Variants in DUSP16 observed in about 807,000 individuals in gnomAD.
DUSP16 encodes dual specificity phosphatase 16.
A neutral mutation model predicts 58.3 loss-of-function variants in DUSP16; 21 were observed. The observed-to-expected ratio is 0.36, with a 90% CI of 0.26 to 0.52. DUSP16 has a LOEUF of 0.52. Ranked by LOEUF, DUSP16 falls within the 20% of genes least tolerant of loss-of-function variation. The probability of loss-of-function intolerance (pLI) is 0.94; values close to 1 mark genes in which losing one functional copy is unlikely to be tolerated. For missense variants in DUSP16, 726 were observed against 819.0 expected, an observed-to-expected ratio of 0.89 and a Z score of 1.39; for synonymous variants, 320 against 323.8, an observed-to-expected ratio of 0.99 and a Z score of 0.12.
intron 1 of DUSP16, among the ~76,000 whole-genome samples, chr12:12,554,958 C>T (rs184953482): frequency 8.5e-5 from 13 of 152,294 alleles, no homozygotes; most frequent in Admixed American, 3.9e-4. Flanking sequence ...GTACAGTTTA[C>T]AAAACAAGTC....
rs1943539239 is a variant in DUSP16, at chr12:12,480,288, G to A, written c.750C>T (p.Arg250=). ...TGTAGGCGATAGCGATGGTGGCGGA[G>A]CGGGAGATCCCAGCTAAACAGTGCA... ...VLVHCLAGIS[R]SATIAIAYIM... The change falls in exon 6 of 7, where the codon CGC becomes CGT. Residue 250 remains arginine, a synonymous_variant. Coordinates refer to ENST00000298573, the MANE Select transcript of DUSP16 (RefSeq NM_030640.3). 6.2e-7 allele frequency: 1 copy of A among 1,614,074 alleles called. No individual in the cohort carries two copies. Among genetic ancestry groups the A allele is most frequent in the Admixed American group, 1.7e-5 (1 of 59,996 alleles).
At chr12:12,514,755 A>G (rs1428198746) in intron 3 of DUSP16, among the ~76,000 whole-genome samples, 4 of 152,140 alleles carry the variant, frequency 2.6e-5, no homozygotes, top group Admixed American at 6.5e-5. Context: ...TGCAACCTCA[A>G]AACTCCTGGG....
At chr12:12,500,399 C>G in intron 4 of DUSP16, 120 bp downstream of exon 4, 3 of 1,217,602 alleles carry the variant, frequency 2.5e-6, no homozygotes, top group South Asian at 1.7e-5. Context: ...GGGGAGCACA[C>G]TGAGAATGGC....
chr12:12,480,103 C>T (rs999808215), intron 6 of DUSP16, 120 bp downstream of exon 6: 7 of 1,330,230 alleles, frequency 5.3e-6, no homozygotes, highest in Middle Eastern at 3.8e-4. Flanking sequence ...CCACAGTAAC[C>T]TGTAAAAAAT....
chr12:12,547,689 T>C (rs981256815), intron 1 of DUSP16, among the ~76,000 whole-genome samples: 2 of 152,072 alleles, frequency 1.3e-5, no homozygotes, highest in African/African-American at 4.8e-5. Context: ...GGTGATACCA[T>C]GCTATAAGCA....
intron 1 of DUSP16, among the ~76,000 whole-genome samples, chr12:12,554,196 CAAAAAAAAAAA>C (rs59499569): frequency 7.7e-4 from 51 of 66,162 alleles, no homozygotes; most frequent in South Asian, 1.5e-3. Context: ...AACTGGGTCT[CAAAAAAAAAAA>C]AAAAAAAAAA....
At chr12:12,560,694 T>C (rs972959890) in intron 1 of DUSP16, 1 of 152,232 alleles carries the variant, frequency 6.6e-6, no homozygotes, top group Non-Finnish European at 1.5e-5. Context: ...ATATATGTGA[T>C]ACTCAAGGAA....
chr12:12,489,827 T>C (rs1346561647), intron 4 of DUSP16, among the ~76,000 whole-genome samples: 2 of 152,250 alleles, frequency 1.3e-5, no homozygotes, highest in Non-Finnish European at 2.9e-5. Flanking sequence ...AAATATTTAT[T>C]GAGCACCTTT....
chr12:12,533,006 C>G (rs1477963523), intron 1 of DUSP16, among the ~76,000 whole-genome samples: 1 of 150,264 alleles, frequency 6.7e-6, no homozygotes, highest in East Asian at 1.9e-4. Flanking sequence ...TTAATGTTTA[C>G]CCTCAAGGTA....
chr12:12,477,735 C>T lies in DUSP16; in HGVS notation c.1096G>A (p.Val366Met), dbSNP rs3809199. Residue 366 changes from valine (V) to methionine (M), a missense_variant, in exon 7 of 7, where the codon GTG becomes ATG. Transcript: ENST00000298573. The surrounding 1 kb of genome is among the most constrained non-coding windows in gnomAD (Gnocchi z 4.1). Reference sequence around the variant, plus strand: ...CTGTCCTCTAACAGCGACGGCTGCACGCTGGGCACGCTGGGCACGCTGGCG... The same window carrying T: ...CTGTCCTCTAACAGCGACGGCTGCATGCTGGGCACGCTGGGCACGCTGGCG... ...HPASVPSVPS[V>M]QPSLLEDSPL... 0.03 allele frequency: 43,473 copies of T among 1,431,970 alleles called. 651 individuals carry two copies. Among genetic ancestry groups the T allele is most frequent in the South Asian group, 0.043 (2,657 of 61,546 alleles). The allele number at this position is 1,431,970 out of a possible 1,614,324, so 88.7% of individuals were successfully genotyped here.
At chr12:12,490,932 T>C (rs1943752478) in intron 4 of DUSP16, among the ~76,000 whole-genome samples, 1 of 152,166 alleles carries the variant, frequency 6.6e-6, no homozygotes, top group Admixed American at 6.6e-5. Flanking sequence ...CATACATAAT[T>C]ATAATAACAA....
At chr12:12,561,233 T>A (rs1281695247) in intron 1 of DUSP16, 3 of 152,186 alleles carry the variant, frequency 2.0e-5, no homozygotes, top group African/African-American at 4.8e-5. Context: ...AGCTTATTCA[T>A]CACAGGCTGG....
chr12:12,541,317 T>A (rs1023151800), intron 1 of DUSP16, among the ~76,000 whole-genome samples: 1 of 152,052 alleles, frequency 6.6e-6, no homozygotes, highest in Non-Finnish European at 1.5e-5. Flanking sequence ...GGAAGACAAT[T>A]CATCTTCCCT....
intron 5 of DUSP16, among the ~76,000 whole-genome samples, chr12:12,485,072 C>T (rs919692675): frequency 6.8e-6 from 1 of 147,530 alleles, no homozygotes; most frequent in Non-Finnish European, 1.5e-5. Flanking sequence ...TGCAGTGGCG[C>T]GATCTTGGCT....
intron 1 of DUSP16, among the ~76,000 whole-genome samples, chr12:12,545,961 T>C (rs1455908625): frequency 6.6e-6 from 1 of 152,192 alleles, no homozygotes; most frequent in African/African-American, 2.4e-5. Context: ...TAATATTTAA[T>C]ATGTGGATTC....
intron 3 of DUSP16, among the ~76,000 whole-genome samples, chr12:12,512,974 T>A (rs532071551): frequency 6.6e-6 from 1 of 152,256 alleles, no homozygotes; most frequent in East Asian, 1.9e-4. Flanking sequence ...CATACCTCCA[T>A]GAGGAAGGAC....
intron 5 of DUSP16, 116 bp downstream of exon 5, chr12:12,486,910 CTT>C: frequency 2.4e-6 from 3 of 1,257,276 alleles, no homozygotes; most frequent in Non-Finnish European, 2.2e-6. Flanking sequence ...TGTTTTCAGA[CTT>C]TTGAAATCTC....
chr12:12,517,922 T>C (rs1044073036), intron 3 of DUSP16, among the ~76,000 whole-genome samples: 4 of 152,200 alleles, frequency 2.6e-5, no homozygotes, highest in Non-Finnish European at 4.4e-5. Flanking sequence ...AGAGTTGACA[T>C]AGCTAATCAG....
At chr12:12,558,514 C>T (rs1378594470) in intron 1 of DUSP16, among the ~76,000 whole-genome samples, 1 of 151,876 alleles carries the variant, frequency 6.6e-6, no homozygotes, top group Non-Finnish European at 1.5e-5. Flanking sequence ...CCAAAGTAGC[C>T]GGCACCACAG....
Sources: gnomAD v4.1 joint callset for allele counts (sites outside exome capture counted in the v4.1 genomes callset) on GRCh38, gnomAD v4.1.1 for gene constraint, Gnocchi (gnomAD v3.1) non-coding constraint, MANE v1.5 for transcripts, NCBI Gene and HGNC (gene_info 2026-07-23, HGNC 2026-07-21) for gene names.